ATIC: variants seen among roughly 807,000 people sequenced by gnomAD.
ATIC encodes the protein bifunctional purine biosynthesis protein ATIC.
Under a neutral mutation model 72.5 loss-of-function variants are expected in ATIC, and 64 were observed. The observed-to-expected ratio is 0.88, with a 90% confidence interval of 0.72 to 1.09. The LOEUF is 1.09. ATIC is among the 50% of genes least tolerant of loss of function. The pLI is 0.00. For synonymous variants in ATIC, 281 were observed against 267.1 expected (o/e 1.05, Z -0.51); for missense variants, 787 against 732.4 (o/e 1.07, Z -0.86).
chr2:215,341,960 C>T (rs1176468019), intron 12 of ATIC, among the ~76,000 whole-genome samples: 1 of 152,158 alleles, frequency 6.6e-6, no homozygotes, highest in Non-Finnish European at 1.5e-5. Flanking sequence ...GGCACCTCTT[C>T]AGAGGGCGGC....
chr2:215,335,055 T>A, intron 10 of ATIC, 51 bp downstream of exon 10: 3 of 1,308,148 alleles, frequency 2.3e-6, no homozygotes, highest in Non-Finnish European at 3.3e-6. Flanking sequence ...AAGCTTTATT[T>A]GTTCATAATG....
chr2:215,315,771 T>A (rs1175912790), intron 2 of ATIC, among the ~76,000 whole-genome samples: 1 of 151,988 alleles, frequency 6.6e-6, no homozygotes, highest in Non-Finnish European at 1.5e-5. Flanking sequence ...GCCAACATGG[T>A]GCAACTCCAT....
Position 215,333,411 on chromosome 2 carries a change from C to G in ATIC, c.876C>G (p.Leu292=), listed in dbSNP as rs772803024. Residue 292 remains leucine (L), a synonymous_variant, in exon 9 of 16, where the codon CTC becomes CTG. Coordinates refer to ENST00000236959, the MANE Select transcript of ATIC (RefSeq NM_004044.7). The part of the protein sequence containing the change: ...DEAKVCMVYD[L]YKTLTPISAA... ...CCAAAGTCTGCATGGTTTATGATCT[C>G]TATAAAACCCTCACACCCATCTCAG... The G allele has an allele frequency of 1.9e-5, 31 of 1,614,082 alleles. No homozygotes were observed. Among genetic ancestry groups the G allele is most frequent in the Non-Finnish European group, 2.6e-5 (31 of 1,180,010 alleles).
chr2:215,333,027 G>A lies in ATIC; in HGVS notation c.815-323G>A, dbSNP rs546639237. 6.7e-4 allele frequency among the ~76,000 whole-genome samples: 102 copies of A among 152,214 alleles called. 1 individual carries two copies. Among genetic ancestry groups the A allele is most frequent in the Non-Finnish European group, 1.2e-3 (83 of 68,012 alleles). On this transcript the variant is annotated intron_variant, in intron 8 of 15. Coordinates refer to ENST00000236959, the MANE Select transcript of ATIC (RefSeq NM_004044.7). ...TGAGTGGGGAAGAAATAAATGATGT[G>A]TGATATCAAAGTGATATCAAGCAGA...
chr2:215,361,858 G>T, the ATIC span: 1 of 1,383,590 alleles, frequency 7.2e-7, no homozygotes, highest in Non-Finnish European at 9.9e-7. Context: ...TCATTTATGA[G>T]TTGTTTTTTT....
At chr2:215,328,961 C>A (rs910844940) in intron 7 of ATIC, among the ~76,000 whole-genome samples, 2 of 152,204 alleles carry the variant, frequency 1.3e-5, no homozygotes, top group African/African-American at 4.8e-5. Flanking sequence ...AGGTGATCTG[C>A]CTGCCTCGGC....
intron 7 of ATIC, 70 bp downstream of exon 7, chr2:215,327,048 G>A (rs2052836400): frequency 6.2e-7 from 1 of 1,602,600 alleles, no homozygotes; most frequent in Admixed American, 1.7e-5. Context: ...TATTGCATCT[G>A]ATGTGGTTCA....
At chr2:215,330,437 C>G (rs1010622628) in intron 7 of ATIC, among the ~76,000 whole-genome samples, 1 of 152,124 alleles carries the variant, frequency 6.6e-6, no homozygotes, top group East Asian at 1.9e-4. Context: ...CGCTTCCCCG[C>G]AGTTTCTCCT....
At chr2:215,319,861 G>C in intron 4 of ATIC, 130 bp downstream of exon 4, 2 of 774,064 alleles carry the variant, frequency 2.6e-6, no homozygotes, top group South Asian at 3.2e-5. Flanking sequence ...CTTTGTATGT[G>C]TGTAAGCATT....
downstream of ATIC, among the ~76,000 whole-genome samples, chr2:215,351,375 A>G (rs2053129284): frequency 6.6e-6 from 1 of 152,246 alleles, no homozygotes; most frequent in African/African-American, 2.4e-5. Flanking sequence ...ATGTAGCAGT[A>G]AATAGCTAAT....
At chr2:215,352,245 AT>A (rs201876752), downstream of ATIC, among the ~76,000 whole-genome samples, 210 of 152,342 alleles carry the variant, frequency 1.4e-3, 2 homozygotes, top group East Asian at 4.4e-3. Context: ...AAAAGGGGAA[AT>A]TAGGTGTGAT....
chr2:215,315,179 T>TTTAC (rs2052695544), intron 2 of ATIC, among the ~76,000 whole-genome samples: 1 of 152,190 alleles, frequency 6.6e-6, no homozygotes, highest in Non-Finnish European at 1.5e-5. Context: ...AGAGGATTTC[T>TTTAC]TTACGTCCAG....
At chr2:215,352,348 G>A (rs896729027), downstream of ATIC, among the ~76,000 whole-genome samples, 11 of 152,148 alleles carry the variant, frequency 7.2e-5, no homozygotes, top group Admixed American at 1.3e-4. Context: ...TTGGGAGGCC[G>A]AGGTGGGTGG....
chr2:215,366,899 A>C, the ATIC span, among the ~76,000 whole-genome samples: 3 of 152,252 alleles, frequency 2.0e-5, no homozygotes, highest in Non-Finnish European at 4.4e-5. Flanking sequence ...GCTCCTAAAC[A>C]GCATGTGATG....
rs758335460 is a variant in ATIC at position 215,325,982 on chromosome 2, C to G, written c.380-5C>G. ...AAAAATCAATAAGTCTTTTGTTCTTCAAAGGTGGAGTAACCTTACTGAGAG... is the reference window on the plus strand; with the variant it reads ...AAAAATCAATAAGTCTTTTGTTCTTGAAAGGTGGAGTAACCTTACTGAGAG... On this transcript the variant is annotated splice_region_variant and splice_polypyrimidine_tract_variant and intron_variant, in intron 5 of 15. Transcript: ENST00000236959. 2 of 1,614,062 alleles carry G rather than the reference C, an allele frequency of 1.2e-6. No homozygotes were observed. The highest frequency in any genetic ancestry group is 2.2e-5 in the South Asian group (2 of 91,066).
At chr2:215,335,509 T>C (rs1052617731) in intron 10 of ATIC, among the ~76,000 whole-genome samples, 4 of 152,182 alleles carry the variant, frequency 2.6e-5, no homozygotes, top group African/African-American at 9.7e-5. Flanking sequence ...AGGTGAAGGC[T>C]GAAGGAGCAT....
In ATIC at chr2:215,349,723, T is replaced by C; in HGVS notation, c.*68T>C. 1 of 1,611,604 alleles carries C rather than the reference T, an allele frequency of 6.2e-7. No individual in the cohort carries two copies. The highest frequency in any genetic ancestry group is 8.5e-7 in the Non-Finnish European group (1 of 1,177,792). The stretch of plus-strand genomic sequence containing the variant: ...ACAGTCACGCCTGAAACTTTGAGGA[T>C]AACTTTTTAAAAAAATAAAACAGTA... On this transcript the variant is annotated 3_prime_UTR_variant, in exon 16 of 16. Transcript: ENST00000236959.
At chr2:215,345,255 G>A in intron 13 of ATIC, 1 of 309,728 alleles carries the variant, frequency 3.2e-6, no homozygotes, top group South Asian at 3.0e-5. Flanking sequence ...CAGCCTGCAG[G>A]GTATTTTCAC....
At chr2:215,367,036 A>G in the ATIC span, among the ~76,000 whole-genome samples, 44 of 152,190 alleles carry the variant, frequency 2.9e-4, 2 homozygotes, top group East Asian at 2.3e-3. Context: ...ATACTTTGAA[A>G]ATCTCTTTTA....
Sources: gnomAD v4.1 joint callset for allele counts (sites outside exome capture counted in the v4.1 genomes callset) on GRCh38, gnomAD v4.1.1 for gene constraint, MANE v1.5 for transcripts, NCBI Gene and HGNC (gene_info 2026-07-23, HGNC 2026-07-21) for gene names.